FHIT: variants seen among roughly 807,000 people sequenced by gnomAD.
FHIT encodes the protein fragile histidine triad diadenosine triphosphatase.
FHIT carries 19 observed loss-of-function variants against 17.9 expected under a neutral mutation model. That is an observed-to-expected ratio of 1.06 (90% CI 0.74 to 1.56). The LOEUF (loss-of-function observed/expected upper bound fraction) is 1.56. FHIT is among the 40% of genes most tolerant of loss of function. FHIT has a pLI of 0.00. For synonymous variants in FHIT, 81 were observed against 69.7 expected (o/e 1.16, Z -0.81); for missense variants, 248 against 189.2 (o/e 1.31, Z -1.82).
At chr3:60,706,327 C>G (rs1014976488) in intron 4 of FHIT, among the ~76,000 whole-genome samples, 1 of 152,208 alleles carries the variant, frequency 6.6e-6, no homozygotes, top group East Asian at 1.9e-4. Context: ...ATGGGTGCAG[C>G]AAACCACCAT....
At chr3:60,520,170 T>C (rs1285214840) in intron 5 of FHIT, among the ~76,000 whole-genome samples, 2 of 152,210 alleles carry the variant, frequency 1.3e-5, no homozygotes, top group Non-Finnish European at 2.9e-5. Flanking sequence ...TGGTACTAAA[T>C]GATAGAACAG....
chr3:60,296,200 G>T (rs1252835084), intron 5 of FHIT, among the ~76,000 whole-genome samples: 1 of 151,972 alleles, frequency 6.6e-6, no homozygotes, highest in Non-Finnish European at 1.5e-5. Context: ...AGTGTGAAAT[G>T]GACTAATATA....
intron 5 of FHIT, among the ~76,000 whole-genome samples, chr3:60,479,757 C>T (rs1267409728): frequency 6.6e-6 from 1 of 152,116 alleles, no homozygotes; most frequent in Non-Finnish European, 1.5e-5. Flanking sequence ...TTGTGAATTG[C>T]ACATGCGAGG....
chr3:61,184,458 T>A (rs895228621), intron 2 of FHIT, among the ~76,000 whole-genome samples: 18 of 152,106 alleles, frequency 1.2e-4, no homozygotes, highest in Admixed American at 2.6e-4. Context: ...GTGGGATGAC[T>A]CACAGCAAGG....
intron 8 of FHIT, among the ~76,000 whole-genome samples, chr3:59,797,506 G>A (rs555648820): frequency 1.3e-5 from 2 of 152,278 alleles, no homozygotes; most frequent in Non-Finnish European, 2.9e-5. Flanking sequence ...TTTAAAAATA[G>A]TGATAGGCAA....
intron 8 of FHIT, among the ~76,000 whole-genome samples, chr3:59,915,414 A>T (rs905841407): frequency 6.6e-6 from 1 of 152,208 alleles, no homozygotes; most frequent in Admixed American, 6.5e-5. Context: ...AATTTTGGGA[A>T]ACTAATCTAG....
At chr3:59,825,314 T>C (rs1700938206) in intron 8 of FHIT, among the ~76,000 whole-genome samples, 1 of 152,232 alleles carries the variant, frequency 6.6e-6, no homozygotes, top group African/African-American at 2.4e-5. Context: ...TATGCTTTTT[T>C]ATGGATGTTT....
chr3:60,160,943 C>G, intron 5 of FHIT, among the ~76,000 whole-genome samples: 1 of 151,908 alleles, frequency 6.6e-6, no homozygotes, highest in Admixed American at 6.6e-5. Context: ...TTAACTTTAT[C>G]CCAGACAAAG....
At chr3:60,240,985 A>T (rs1382618741) in intron 5 of FHIT, among the ~76,000 whole-genome samples, 2 of 151,902 alleles carry the variant, frequency 1.3e-5, no homozygotes, top group South Asian at 2.1e-4. Flanking sequence ...GGGACCTGTT[A>T]AAAAAAACAG....
chr3:60,601,992 T>C (rs2038458685), intron 4 of FHIT, among the ~76,000 whole-genome samples: 1 of 152,116 alleles, frequency 6.6e-6, no homozygotes, highest in Non-Finnish European at 1.5e-5. Context: ...TTTCACTGAA[T>C]ACCTGAGAAA....
At chr3:60,245,698 T>C (rs2107581238) in intron 5 of FHIT, among the ~76,000 whole-genome samples, 1 of 152,230 alleles carries the variant, frequency 6.6e-6, no homozygotes. Flanking sequence ...CCAATTCTAG[T>C]GGAATTACAC....
At chr3:61,189,669 C>A (rs2038648940) in intron 2 of FHIT, among the ~76,000 whole-genome samples, 1 of 152,216 alleles carries the variant, frequency 6.6e-6, no homozygotes, top group African/African-American at 2.4e-5. Flanking sequence ...CATCACGCTA[C>A]CTGACTTCAA....
chr3:60,310,312 A>G (rs1708882328), intron 5 of FHIT, among the ~76,000 whole-genome samples: 1 of 152,142 alleles, frequency 6.6e-6, no homozygotes, highest in African/African-American at 2.4e-5. Flanking sequence ...CTTCAAGGTC[A>G]AAAGGGAATG....
At chr3:60,237,669 G>A (rs1043370312) in intron 5 of FHIT, among the ~76,000 whole-genome samples, 4 of 152,114 alleles carry the variant, frequency 2.6e-5, no homozygotes, top group African/African-American at 7.2e-5. Flanking sequence ...TTAAGAAACT[G>A]CCCCATACTT....
At chr3:60,907,753 T>C (rs1182531938) in intron 3 of FHIT, among the ~76,000 whole-genome samples, 1 of 152,136 alleles carries the variant, frequency 6.6e-6, no homozygotes, top group African/African-American at 2.4e-5. Flanking sequence ...GGAAGAGTAA[T>C]TGGGATAGAC....
At chr3:60,179,124 G>C (rs181741813) in intron 5 of FHIT, among the ~76,000 whole-genome samples, 50 of 152,192 alleles carry the variant, frequency 3.3e-4, no homozygotes, top group African/African-American at 1.1e-3. Flanking sequence ...GAAAAGAATG[G>C]TATTTATTGC....
intron 5 of FHIT, among the ~76,000 whole-genome samples, chr3:60,464,193 T>TA (rs2032650330): frequency 1.3e-5 from 2 of 152,180 alleles, no homozygotes; most frequent in African/African-American, 4.8e-5. Context: ...TAGGTATTTC[T>TA]AGGTTCCCCT....
rs960780155 is a variant in FHIT, at chr3:60,227,071, G to A, written c.104-212919C>T. On this transcript the variant is annotated intron_variant, in intron 5 of 9. Transcript: ENST00000492590. ...CAGCAAATCAAAATTCTCCCCATTT[G>A]TATAATGGAACAAAGCCAAAGTAAG... Among the ~76,000 whole-genome samples the A allele has an allele frequency of 9.9e-5, 15 of 152,098 alleles. 1 individual carries two copies. The highest frequency in any genetic ancestry group is 8.5e-4 in the Admixed American group (13 of 15,270).
intron 5 of FHIT, among the ~76,000 whole-genome samples, chr3:60,171,417 C>T (rs530035339): frequency 1.3e-5 from 2 of 152,188 alleles, no homozygotes; most frequent in Admixed American, 1.3e-4. Flanking sequence ...CATCAGCCTG[C>T]CATTTAGTGA....
Sources: allele counts gnomAD v4.1 joint callset (sites outside exome capture counted in the v4.1 genomes callset), GRCh38; gene constraint gnomAD v4.1.1; transcripts MANE v1.5; gene names NCBI Gene and HGNC (gene_info 2026-07-23, HGNC 2026-07-21).